Variants in ACSL6 observed in about 807,000 individuals in gnomAD.
ACSL6 encodes the protein long-chain-fatty-acid--CoA ligase 6.
In ACSL6, 47 loss-of-function variants were observed where a neutral mutation model predicts 98.2. That is an observed-to-expected ratio of 0.48 (90% CI 0.38 to 0.61). ACSL6 has a LOEUF of 0.61. Ranked by LOEUF, ACSL6 falls within the 20% of genes least tolerant of loss-of-function variation. ACSL6 has a pLI of 0.00. For missense variants in ACSL6, 761 were observed against 913.4 expected, an observed-to-expected ratio of 0.83 and a Z score of 2.15; for synonymous variants, 362 against 336.9, an observed-to-expected ratio of 1.07 and a Z score of -0.82.
intron 20 of ACSL6, 151 bp downstream of exon 20, chr5:131,959,385 T>G (rs1048216328): frequency 3.9e-6 from 3 of 761,778 alleles, no homozygotes; most frequent in Non-Finnish European, 6.5e-6. Context: ...GGAGGCAGCT[T>G]GGAACAGGCC....
At chr5:131,992,694 C>T (rs1754589998) in intron 2 of ACSL6, among the ~76,000 whole-genome samples, 1 of 152,202 alleles carries the variant, frequency 6.6e-6, no homozygotes, top group African/African-American at 2.4e-5. Context: ...CCTGTCACAC[C>T]CACCTTTCTA....
At chr5:131,965,070 T>G (rs760588530) in intron 17 of ACSL6, among the ~76,000 whole-genome samples, 2 of 152,190 alleles carry the variant, frequency 1.3e-5, no homozygotes, top group Non-Finnish European at 2.9e-5. Flanking sequence ...CATCTTTGTC[T>G]GGGGCAGGCA....
chr5:131,985,573 G>A, intron 8 of ACSL6, 115 bp from the exon 9 acceptor site: 2 of 1,095,356 alleles, frequency 1.8e-6, no homozygotes, highest in Admixed American at 3.8e-5. Context: ...GTGGGTGTGA[G>A]CATGTGTTGG....
At chr5:131,985,188 C>T in intron 9 of ACSL6, 1 of 594,004 alleles carries the variant, frequency 1.7e-6, no homozygotes, top group East Asian at 3.0e-5. Flanking sequence ...GGTGCCAAGC[C>T]CTCACACTGG....
In ACSL6 at chr5:131,974,879, G is replaced by A. The variant is rs1362102900; in HGVS notation, c.1068+14C>T. The A allele has an allele frequency of 1.5e-5, 25 of 1,614,040 alleles. No individual in the cohort carries two copies. The highest frequency in any genetic ancestry group is 1.9e-5 in the Non-Finnish European group (23 of 1,180,022). On this transcript the variant is annotated intron_variant, in intron 11 of 20. Coordinates refer to ENST00000651883, the MANE Select transcript of ACSL6 (RefSeq NM_001009185.3). ...AGCCCAGGCAAGGCCCGGTCAGTCA[G>A]GTGGGTGTCTTACCTGGATTACTCT...
chr5:131,967,978 C>T lies in ACSL6; in HGVS notation c.1558G>A (p.Glu520Lys). 2 of 1,614,064 alleles carry T rather than the reference C, an allele frequency of 1.2e-6. No homozygotes were observed. Among genetic ancestry groups the T allele is most frequent in the Non-Finnish European group, 8.5e-7 (1 of 1,179,966 alleles). Residue 520 changes from glutamate to lysine, a missense_variant, in exon 16 of 21, where the codon GAG (glutamate) becomes AAG (lysine). Coordinates refer to ENST00000651883, the MANE Select transcript of ACSL6 (RefSeq NM_001009185.3). ...PCNHIKLVDV[E>K]ELNYWACKGE... ...TTGCAGGCCCAGTAGTTCAGTTCCT[C>T]AACATCAACGAGCTTGATATGATTG...
chr5:131,995,280 G>C (rs1311815052), intron 1 of ACSL6, among the ~76,000 whole-genome samples: 1 of 152,190 alleles, frequency 6.6e-6, no homozygotes, highest in Non-Finnish European at 1.5e-5. Flanking sequence ...CACTAAGTGA[G>C]GCCGTGTTGG....
chr5:131,974,994 C>A, intron 10 of ACSL6, 24 bp from the exon 11 acceptor site: 4 of 1,610,668 alleles, frequency 2.5e-6, no homozygotes, highest in Non-Finnish European at 3.4e-6. Flanking sequence ...GCATGGGAGA[C>A]AGAAAGGAAA....
At chr5:131,973,936 CCT>C (rs1753467439) in intron 11 of ACSL6, 1 of 152,626 alleles carries the variant, frequency 6.6e-6, no homozygotes. Flanking sequence ...ACACCAGGGG[CCT>C]TATATATGCT....
At chr5:131,986,971 AC>A in intron 7 of ACSL6, 117 bp from the exon 8 acceptor site, 1 of 827,480 alleles carries the variant, frequency 1.2e-6, no homozygotes, top group Non-Finnish European at 2.0e-6. Context: ...ACACACACAT[AC>A]CCACACACTC....
chr5:131,951,009 C>G lies in ACSL6; in HGVS notation c.*3225G>C. On this transcript the variant is annotated 3_prime_UTR_variant, in exon 21 of 21. Coordinates refer to ENST00000651883, the MANE Select transcript of ACSL6 (RefSeq NM_001009185.3). ...TACACACTATACCTGACCAGAGTCCCGTCTCTCATTTGCAAGGGAAGTCTC... is the reference window on the plus strand; with the variant it reads ...TACACACTATACCTGACCAGAGTCCGGTCTCTCATTTGCAAGGGAAGTCTC... 1 of 195,834 alleles carries G rather than the reference C, an allele frequency of 5.1e-6. No individual in the cohort carries two copies. Among genetic ancestry groups the G allele is most frequent in the East Asian group, 8.1e-5 (1 of 12,392 alleles). The allele number at this position is 195,834 out of a possible 1,614,324, so 12.1% of individuals were successfully genotyped here.
At chr5:131,974,707 G>A (rs781613849) in intron 11 of ACSL6, 186 bp downstream of exon 11, 1 of 1,567,766 alleles carries the variant, frequency 6.4e-7, no homozygotes, top group Admixed American at 1.9e-5. Context: ...ACACCCGCTA[G>A]GGTTATGGGT....
chr5:131,988,344 T>C (rs1754311199), intron 6 of ACSL6, 118 bp from the exon 7 acceptor site: 1 of 1,349,266 alleles, frequency 7.4e-7, no homozygotes, highest in Non-Finnish European at 1.0e-6. Context: ...CCATAGCTTA[T>C]GTGTAAATAA....
At chr5:131,968,907 C>G (rs1232796953) in intron 15 of ACSL6, among the ~76,000 whole-genome samples, 2 of 152,050 alleles carry the variant, frequency 1.3e-5, no homozygotes, top group East Asian at 3.8e-4. Flanking sequence ...AAGTTTTATG[C>G]TAAGAGTGAA....
At chr5:131,972,038 A>T (rs1643137830) in intron 13 of ACSL6, among the ~76,000 whole-genome samples, 1 of 152,144 alleles carries the variant, frequency 6.6e-6, no homozygotes, top group African/African-American at 2.4e-5. Context: ...TTTTAATGGC[A>T]TTGCCTTTTT....
At chr5:132,004,866 C>G (rs1358490839) in intron 1 of ACSL6, among the ~76,000 whole-genome samples, 1 of 152,178 alleles carries the variant, frequency 6.6e-6, no homozygotes, top group Non-Finnish European at 1.5e-5. Context: ...GTTGGCTGGG[C>G]ATGGTGGCTC....
intron 20 of ACSL6, among the ~76,000 whole-genome samples, chr5:131,959,063 G>A (rs1225438613): frequency 6.6e-6 from 1 of 151,800 alleles, no homozygotes; most frequent in African/African-American, 2.4e-5. Flanking sequence ...GGACTGCTGT[G>A]TCCTCTCCCA....
At chr5:131,988,351 A>G in intron 6 of ACSL6, 125 bp from the exon 7 acceptor site, 1 of 1,324,860 alleles carries the variant, frequency 7.5e-7, no homozygotes, top group Middle Eastern at 1.9e-4. Flanking sequence ...TTATGTGTAA[A>G]TAAATACATA....
At chr5:131,967,293 C>T (rs1298343350) in intron 16 of ACSL6, among the ~76,000 whole-genome samples, 2 of 151,976 alleles carry the variant, frequency 1.3e-5, no homozygotes, top group African/African-American at 2.4e-5. Flanking sequence ...GCTATGGTCT[C>T]GAGTTCAGTG....
Sources: allele counts gnomAD v4.1 joint callset (sites outside exome capture counted in the v4.1 genomes callset), GRCh38; gene constraint gnomAD v4.1.1; transcripts MANE v1.5; gene names NCBI Gene and HGNC (gene_info 2026-07-23, HGNC 2026-07-21).